WNT2: variants seen among roughly 807,000 people sequenced by gnomAD.
WNT2 encodes protein Wnt-2.
A neutral mutation model predicts 36.9 loss-of-function variants in WNT2; 12 were observed. The ratio of observed to expected loss-of-function variants is 0.33; its 90% CI spans 0.21 to 0.53. WNT2 has a LOEUF of 0.53. WNT2 is among the 20% of genes least tolerant of loss of function. WNT2 has a pLI of 0.95. For synonymous variants in WNT2, 163 were observed against 174.6 expected (o/e 0.93, Z 0.52); for missense variants, 379 against 473.1 (o/e 0.80, Z 1.84).
Position 117,323,019 on chromosome 7 carries a change from G to C in WNT2, c.-30C>G, listed in dbSNP as rs377525999. The stretch of plus-strand genomic sequence containing the variant: ...ACCCCCTTGCGTCTGCATCAGGTCA[G>C]ACTCCGTGTGCGGGCGCCATGCGTG... On this transcript the variant is annotated 5_prime_UTR_variant, in exon 1 of 5. Transcript: ENST00000265441. 8 of 1,582,036 alleles carry C rather than the reference G, an allele frequency of 5.1e-6. No homozygotes were observed. The highest frequency in any genetic ancestry group is 6.0e-6 in the Non-Finnish European group (7 of 1,164,262).
intron 4 of WNT2, among the ~76,000 whole-genome samples, chr7:117,280,166 G>C (rs111878393): frequency 1.1e-3 from 167 of 152,222 alleles, no homozygotes; most frequent in Admixed American, 1.9e-3. Context: ...CCGGGGTCAG[G>C]GTGGAGGGTG....
chr7:117,288,741 A>G (rs1012453809), intron 4 of WNT2, among the ~76,000 whole-genome samples: 2 of 152,134 alleles, frequency 1.3e-5, no homozygotes, highest in African/African-American at 4.8e-5. Flanking sequence ...TCCTTTTTTC[A>G]GTATTCACAA....
chr7:117,287,840 T>C (rs1584677728), intron 4 of WNT2, among the ~76,000 whole-genome samples: 1 of 151,976 alleles, frequency 6.6e-6, no homozygotes, highest in East Asian at 1.9e-4. Context: ...ATACAAAAAT[T>C]AGCTGGCCAT....
At chr7:117,280,663 T>C (rs916729) in intron 4 of WNT2, among the ~76,000 whole-genome samples, 65,628 of 152,030 alleles carry the variant, frequency 0.43, 14,327 homozygotes, top group Middle Eastern at 0.54. Flanking sequence ...ATGTATCAAC[T>C]GTGTGGCCTT....
At chr7:117,311,433 T>C (rs1354390221) in intron 3 of WNT2, among the ~76,000 whole-genome samples, 1 of 152,188 alleles carries the variant, frequency 6.6e-6, no homozygotes, top group Non-Finnish European at 1.5e-5. Context: ...CAGGATCTAG[T>C]ACTTCATGAT....
chr7:117,295,100 A>G (rs1794763642), intron 4 of WNT2, among the ~76,000 whole-genome samples: 1 of 152,032 alleles, frequency 6.6e-6, no homozygotes, highest in East Asian at 1.9e-4. Flanking sequence ...CAAAAAAAGA[A>G]AAGAGAAGAG....
intron 3 of WNT2, among the ~76,000 whole-genome samples, chr7:117,313,562 A>G (rs1391142813): frequency 6.6e-6 from 1 of 152,250 alleles, no homozygotes; most frequent in East Asian, 1.9e-4. Flanking sequence ...AGTGAAATTA[A>G]CATTTATTTT....
chr7:117,282,701 G>A (rs1322833627), intron 4 of WNT2, among the ~76,000 whole-genome samples: 1 of 152,130 alleles, frequency 6.6e-6, no homozygotes, highest in Non-Finnish European at 1.5e-5. Flanking sequence ...GACCTTGAGG[G>A]CAACAGAATG....
In WNT2 at chr7:117,322,444, C is replaced by T. The variant is rs962060141; in HGVS notation, c.83+463G>A. Among the ~76,000 whole-genome samples, 3 of 149,414 alleles carry T rather than the reference C, an allele frequency of 2.0e-5. No homozygotes were observed. Among genetic ancestry groups the T allele is most frequent in the African/African-American group, 4.9e-5 (2 of 40,628 alleles). ...ACGCTTTAGGTTCTACAACTCCTGA[C>T]TGGCTGAATTGGCCCGTCGATTTAC... is the stretch of plus-strand genomic sequence containing the variant. On this transcript the variant is annotated intron_variant, in intron 1 of 4. Coordinates refer to ENST00000265441, the MANE Select transcript of WNT2 (RefSeq NM_003391.3). The surrounding 1 kb of genome is among the most constrained non-coding windows in gnomAD (Gnocchi z 5.4).
chr7:117,285,341 C>A (rs1449216735), intron 4 of WNT2, among the ~76,000 whole-genome samples: 1 of 152,164 alleles, frequency 6.6e-6, no homozygotes, highest in African/African-American at 2.4e-5. Context: ...ATTATGTGTG[C>A]CCTCAAGGTG....
intron 3 of WNT2, among the ~76,000 whole-genome samples, chr7:117,305,079 C>T (rs1023073643): frequency 6.6e-6 from 1 of 152,154 alleles, no homozygotes; most frequent in Non-Finnish European, 1.5e-5. Flanking sequence ...AAGGGCCAGC[C>T]TGTGGTAGGT....
chr7:117,289,899 A>G (rs945688537), intron 4 of WNT2, among the ~76,000 whole-genome samples: 28 of 152,220 alleles, frequency 1.8e-4, no homozygotes, highest in Non-Finnish European at 2.5e-4. Flanking sequence ...AAGAGGTCCC[A>G]GTGGTACCCG....
chr7:117,317,093 AG>A (rs1795235233), intron 2 of WNT2, among the ~76,000 whole-genome samples: 1 of 152,208 alleles, frequency 6.6e-6, no homozygotes. Context: ...GATCACATAG[AG>A]GAGGAAATTC....
Position 117,277,990 on chromosome 7 carries a change from G to T in WNT2, c.*165C>A. On this transcript the variant is annotated 3_prime_UTR_variant, in exon 5 of 5. Coordinates refer to ENST00000265441, the MANE Select transcript of WNT2 (RefSeq NM_003391.3). ...GGGTAGGCTTTAGGTGCAGCGTGTG[G>T]CCCCCCCATCCTGGGGCCCCCAGGG... 2.9e-6 allele frequency: 2 copies of T among 681,934 alleles called. No homozygotes were observed. The highest frequency in any genetic ancestry group is 1.9e-5 in the South Asian group (1 of 52,616). The allele number at this position is 681,934 out of a possible 1,614,324, so 42.2% of individuals were successfully genotyped here.
At chr7:117,312,449 A>T (rs920777577) in intron 3 of WNT2, among the ~76,000 whole-genome samples, 5 of 152,242 alleles carry the variant, frequency 3.3e-5, no homozygotes, top group Non-Finnish European at 7.3e-5. Flanking sequence ...ATCAAAGGAA[A>T]TAAATGGCAG....
intron 3 of WNT2, among the ~76,000 whole-genome samples, chr7:117,307,191 A>G (rs1395332590): frequency 6.6e-6 from 1 of 152,196 alleles, no homozygotes; most frequent in Non-Finnish European, 1.5e-5. Flanking sequence ...ATTCTATTTT[A>G]TATTTCTCTG....
intron 3 of WNT2, among the ~76,000 whole-genome samples, chr7:117,305,709 T>G (rs1795002728): frequency 6.6e-6 from 1 of 152,188 alleles, no homozygotes; most frequent in Non-Finnish European, 1.5e-5. Flanking sequence ...TTGCCCAGGC[T>G]AGAGTGCAGT....
rs200877733 is a variant in WNT2 at position 117,320,689 on chromosome 7, C to T, written c.188G>A (p.Arg63His). 90 of 1,614,006 alleles carry T rather than the reference C, an allele frequency of 5.6e-5. 1 individual carries two copies. In the Middle Eastern group the frequency reaches 9.9e-4, roughly 18 times the overall value. The change falls in exon 2 of 5, where the codon CGT becomes CAT. Residue 63 changes from arginine (R) to histidine (H), a missense_variant. Arg to His is a conservative substitution (Grantham distance 29, BLOSUM62 0). Coordinates refer to ENST00000265441, the MANE Select transcript of WNT2 (RefSeq NM_003391.3). ...CTCGGCCACGCCCTGGCTAATGGCACGCATCACATCTGGATGTCGGTGACA... is the reference window on the plus strand; with the variant it reads ...CTCGGCCACGCCCTGGCTAATGGCATGCATCACATCTGGATGTCGGTGACA... ...QLCHRHPDVM[R>H]AISQGVAEWT...
chr7:117,278,270 T>G lies in WNT2; in HGVS notation c.968A>C (p.Lys323Thr), dbSNP rs533053101. ...GCACCAGTGGAACTTACACCCACACTTGGTCATCCGGGTGACATGGGAGGT... is the reference window on the plus strand; with the variant it reads ...GCACCAGTGGAACTTACACCCACACGTGGTCATCCGGGTGACATGGGAGGT... Reference protein sequence around the residue: ...YDTSHVTRMTKCGCKFHWCCA... With the variant: ...YDTSHVTRMTTCGCKFHWCCA... Residue 323 changes from lysine to threonine, a missense_variant, in exon 5 of 5, where the codon AAG (lysine) becomes ACG (threonine). Physicochemically the swap from Lys to Thr is moderately conservative, Grantham distance 78. Coordinates refer to ENST00000265441, the MANE Select transcript of WNT2 (RefSeq NM_003391.3). 13 of 1,614,242 alleles carry G rather than the reference T, an allele frequency of 8.1e-6. No homozygotes were observed. The African/African-American group carries it at 1.1e-4, about 13-fold the overall frequency.
Sources: allele counts gnomAD v4.1 joint callset (sites outside exome capture counted in the v4.1 genomes callset), GRCh38; gene constraint gnomAD v4.1.1; non-coding constraint Gnocchi (gnomAD v3.1); transcripts MANE v1.5; gene names NCBI Gene and HGNC (gene_info 2026-07-23, HGNC 2026-07-21).